The following SPPL3 variants were observed in gnomAD, a reference collection of about 807,000 sequenced individuals.
The protein encoded by SPPL3 is signal peptide peptidase like 3, also known as signal peptide peptidase-like 3.
Under a neutral mutation model 42.4 loss-of-function variants are expected in SPPL3, and 5 were observed. That is an observed-to-expected ratio of 0.12 (90% CI 0.06 to 0.25). The LOEUF is 0.25. Among genes scored for constraint, SPPL3 ranks in the 10% least tolerant of loss-of-function variants. The pLI, the probability that SPPL3 is intolerant of heterozygous loss-of-function variation, is 1.00. For synonymous variants in SPPL3, 195 were observed against 181.8 expected, an observed-to-expected ratio of 1.07 and a Z score of -0.58; for missense variants, 235 against 489.0, an observed-to-expected ratio of 0.48 and a Z score of 4.90.
chr12:120,851,729 G>A (rs1872231487), intron 1 of SPPL3, among the ~76,000 whole-genome samples: 1 of 152,054 alleles, frequency 6.6e-6, no homozygotes, highest in South Asian at 2.1e-4. Flanking sequence ...TCATCCTCCT[G>A]AGTAGCTGGG....
intron 1 of SPPL3, among the ~76,000 whole-genome samples, chr12:120,832,541 C>T (rs758331937): frequency 1.3e-5 from 2 of 151,930 alleles, no homozygotes; most frequent in Non-Finnish European, 2.9e-5. Context: ...GGTGTAGTGG[C>T]GCATGCCTGT....
At chr12:120,869,869 T>C (rs556746793) in intron 1 of SPPL3, among the ~76,000 whole-genome samples, 1 of 152,164 alleles carries the variant, frequency 6.6e-6, no homozygotes, top group Non-Finnish European at 1.5e-5. Flanking sequence ...AAATTTCAAA[T>C]GTGATGATTT....
At position 120,764,906 on chromosome 12, in the gene SPPL3, T is replaced by C; in HGVS notation, c.*93A>G. ...CGGCAGTTCCTTAAACACAGGTACA[T>C]TTCTGAGTACCAGGCCAGCTCTAAG... On this transcript the variant is annotated 3_prime_UTR_variant, in exon 11 of 11. Coordinates refer to ENST00000353487, the MANE Select transcript of SPPL3 (RefSeq NM_139015.5). 7.2e-7 allele frequency: 1 copy of C among 1,387,024 alleles called. No individual in the cohort carries two copies. Among genetic ancestry groups the C allele is most frequent in the Non-Finnish European group, 9.9e-7 (1 of 1,007,968 alleles). 85.9% of individuals were successfully genotyped at this position (1,387,024 alleles called of 1,614,324 possible). A position where few individuals can be genotyped will look rare whatever the true frequency, so the allele number is the denominator to read the frequency against.
chr12:120,851,904 C>T (rs773333756), intron 1 of SPPL3, among the ~76,000 whole-genome samples: 15 of 152,102 alleles, frequency 9.9e-5, no homozygotes, highest in African/African-American at 3.1e-4. Context: ...GTACCTGGCC[C>T]GTTTCACACT....
At chr12:120,854,026 G>A (rs1435450902) in intron 1 of SPPL3, among the ~76,000 whole-genome samples, 4 of 92,024 alleles carry the variant, frequency 4.3e-5, no homozygotes, top group African/African-American at 1.3e-4. Flanking sequence ...ACACACACAC[G>A]GGGAAAAAAA....
At chr12:120,810,128 C>A (rs770396004) in intron 2 of SPPL3, among the ~76,000 whole-genome samples, 9 of 152,096 alleles carry the variant, frequency 5.9e-5, no homozygotes, top group Non-Finnish European at 1.0e-4. Context: ...GGCACTACCA[C>A]CATGCCTGGC....
intron 2 of SPPL3, among the ~76,000 whole-genome samples, chr12:120,794,886 A>G (rs978273613): frequency 1.1e-4 from 17 of 152,146 alleles, no homozygotes; most frequent in African/African-American, 2.9e-4. Context: ...CCTATGAGCT[A>G]TAACTCTTTG....
chr12:120,796,954 G>A (rs928253165), intron 2 of SPPL3, among the ~76,000 whole-genome samples: 4 of 152,102 alleles, frequency 2.6e-5, no homozygotes, highest in Non-Finnish European at 5.9e-5. Flanking sequence ...GGCGAATCAC[G>A]AGGTCAGGAG....
chr12:120,904,073 C>T lies in SPPL3; in HGVS notation c.-206G>A. On this transcript the variant is annotated 5_prime_UTR_variant, in exon 1 of 11. Transcript: ENST00000353487. Reference sequence around the variant, plus strand: ...CGGCCCCGCTCCCTGGGCCCCGGGGCGGGGCGGGCTCCGCTCTCGGCCTCC... The same window carrying T: ...CGGCCCCGCTCCCTGGGCCCCGGGGTGGGGCGGGCTCCGCTCTCGGCCTCC... 3.0e-6 allele frequency: 1 copy of T among 334,090 alleles called. No homozygotes were observed. Among genetic ancestry groups the T allele is most frequent in the Non-Finnish European group, 5.3e-6 (1 of 188,286 alleles). 20.7% of individuals were successfully genotyped at this position (334,090 alleles called of 1,614,324 possible).
chr12:120,806,001 C>CATT (rs745362379), intron 2 of SPPL3, among the ~76,000 whole-genome samples: 1 of 132,966 alleles, frequency 7.5e-6, no homozygotes. Context: ...TCCCTGCAGG[C>CATT]TTTTTTTTTT....
chr12:120,833,904 CTG>C (rs776748611), intron 1 of SPPL3, among the ~76,000 whole-genome samples: 16 of 151,814 alleles, frequency 1.1e-4, no homozygotes, highest in Non-Finnish European at 2.2e-4. Context: ...CAGCTGAAAA[CTG>C]AGATCTCATC....
chr12:120,828,355 G>A (rs1871290645), intron 1 of SPPL3, among the ~76,000 whole-genome samples: 1 of 151,758 alleles, frequency 6.6e-6, no homozygotes, highest in Non-Finnish European at 1.5e-5. Context: ...ACAGCATTAA[G>A]TGATTATACT....
At chr12:120,875,818 A>G (rs1222431884) in intron 1 of SPPL3, among the ~76,000 whole-genome samples, 4 of 152,208 alleles carry the variant, frequency 2.6e-5, no homozygotes, top group Non-Finnish European at 5.9e-5. Context: ...CAAACTGGAC[A>G]AAAAAGTAAG....
chr12:120,792,924 TA>T (rs1292994955), intron 2 of SPPL3, among the ~76,000 whole-genome samples: 1 of 151,868 alleles, frequency 6.6e-6, no homozygotes, highest in African/African-American at 2.4e-5. Context: ...GATATGATGC[TA>T]AAAAACAGAG....
At chr12:120,862,801 C>A (rs1289018808) in intron 1 of SPPL3, among the ~76,000 whole-genome samples, 1 of 152,122 alleles carries the variant, frequency 6.6e-6, no homozygotes, top group Admixed American at 6.5e-5. Flanking sequence ...CAACCCCTCT[C>A]CCCTCTGCAG....
At chr12:120,776,394 T>G (rs1444635500) in intron 6 of SPPL3, among the ~76,000 whole-genome samples, 1 of 152,186 alleles carries the variant, frequency 6.6e-6, no homozygotes. Context: ...GGGACTCGCA[T>G]TGTAAAACAG....
chr12:120,807,782 A>G (rs1029600264), intron 2 of SPPL3, among the ~76,000 whole-genome samples: 7 of 152,184 alleles, frequency 4.6e-5, no homozygotes, highest in Admixed American at 2.0e-4. Context: ...GAGAAGCCCA[A>G]CTGTAGGTGG....
At chr12:120,884,808 G>GGT (rs35074232) in intron 1 of SPPL3, among the ~76,000 whole-genome samples, 2,191 of 137,474 alleles carry the variant, frequency 0.016, 55 homozygotes, top group African/African-American at 0.051. Context: ...TTTTTTTTGG[G>GGT]TTTTTTTTTT....
At chr12:120,859,355 T>C (rs1012904487) in intron 1 of SPPL3, among the ~76,000 whole-genome samples, 1 of 152,210 alleles carries the variant, frequency 6.6e-6, no homozygotes, top group African/African-American at 2.4e-5. Flanking sequence ...CAACCTGTAC[T>C]GTGCTATGAG....
Sources: allele counts gnomAD v4.1 joint callset (sites outside exome capture counted in the v4.1 genomes callset), GRCh38; gene constraint gnomAD v4.1.1; transcripts MANE v1.5; gene names NCBI Gene and HGNC (gene_info 2026-07-23, HGNC 2026-07-21).